Variants in MOB3B observed in about 807,000 individuals in gnomAD.
The protein encoded by MOB3B is MOB kinase activator 3B, also known as MOB kinase activator-like 2B.
In MOB3B, 7 loss-of-function variants were observed where a neutral mutation model predicts 18.7. The observed-to-expected ratio is 0.37, with a 90% CI of 0.21 to 0.70. The LOEUF is 0.70. Ranked by LOEUF, MOB3B falls within the 30% of genes least tolerant of loss-of-function variation. MOB3B has a pLI of 0.52. For missense variants in MOB3B, 253 were observed against 281.3 expected (o/e 0.90, Z 0.72); for synonymous variants, 111 against 99.9 (o/e 1.11, Z -0.66).
chr9:27,439,269 A>G (rs1822560374), intron 2 of MOB3B, among the ~76,000 whole-genome samples: 1 of 152,148 alleles, frequency 6.6e-6, no homozygotes, highest in Non-Finnish European at 1.5e-5. Context: ...CAGACATTGA[A>G]TTATATTGGT....
chr9:27,367,519 C>T (rs1187144862), intron 2 of MOB3B, among the ~76,000 whole-genome samples: 1 of 152,180 alleles, frequency 6.6e-6, no homozygotes, highest in African/African-American at 2.4e-5. Flanking sequence ...GTGCTGCTTG[C>T]CCTTAAGCAA....
At position 27,472,243 on chromosome 9, in the gene MOB3B, T is replaced by G. The variant is rs1280553298; in HGVS notation, c.-198-16495A>C. On this transcript the variant is annotated intron_variant, in intron 1 of 3. Coordinates refer to ENST00000262244, the MANE Select transcript of MOB3B (RefSeq NM_024761.5). ...ACACTATTTTTTTTTTAATGACAAG[T>G]AAGGGTGACACCACTTTTCTTAAAA... 2.0e-5 allele frequency among the ~76,000 whole-genome samples: 3 copies of G among 150,944 alleles called. No individual in the cohort carries two copies. The East Asian group carries it at 5.8e-4, about 29-fold the overall frequency.
At chr9:27,476,398 G>C (rs1194051450) in intron 1 of MOB3B, among the ~76,000 whole-genome samples, 1 of 151,954 alleles carries the variant, frequency 6.6e-6, no homozygotes, top group Non-Finnish European at 1.5e-5. Flanking sequence ...TTGGCTTGTA[G>C]ACTCAGCACC....
At chr9:27,460,976 C>G (rs945360372) in intron 1 of MOB3B, among the ~76,000 whole-genome samples, 6 of 152,208 alleles carry the variant, frequency 3.9e-5, no homozygotes, top group African/African-American at 1.4e-4. Context: ...TGCCAACTCA[C>G]TGAGGCCGCT....
chr9:27,489,986 A>G (rs930753786), intron 1 of MOB3B, among the ~76,000 whole-genome samples: 13 of 152,154 alleles, frequency 8.5e-5, no homozygotes, highest in African/African-American at 3.1e-4. Context: ...AGCTACTTAA[A>G]GTTCAAAAGA....
At chr9:27,474,108 G>C (rs1444629205) in intron 1 of MOB3B, among the ~76,000 whole-genome samples, 1 of 152,140 alleles carries the variant, frequency 6.6e-6, no homozygotes, top group Non-Finnish European at 1.5e-5. Context: ...TCTTGTTACA[G>C]GTAGCCTGTA....
rs923816530 is a variant in MOB3B at position 27,337,026 on chromosome 9, G to A, written c.622-6410C>T. Among the ~76,000 whole-genome samples, 4 of 152,274 alleles carry A rather than the reference G, an allele frequency of 2.6e-5. No homozygotes were observed. In the South Asian group the frequency reaches 6.2e-4, roughly 24 times the overall value. ...CAGTGCAGCCTCAGTCCCAGCTACC[G>A]GCCCCGTGCCCGAGCTTGGCCCTGT... On this transcript the variant is annotated intron_variant, in intron 3 of 3. Transcript: ENST00000262244.
In MOB3B at chr9:27,345,028, C is replaced by T. The variant is rs188215881; in HGVS notation, c.621+14006G>A. ...ACAGCCATGCTCTGTCTCTTGGTGC[C>T]CACAGCAATACAGTCACTGTAGGCC... On this transcript the variant is annotated intron_variant, in intron 3 of 3. Transcript: ENST00000262244. 3.4e-3 allele frequency among the ~76,000 whole-genome samples: 525 copies of T among 152,340 alleles called. 4 individuals carry two copies. Among genetic ancestry groups the T allele is most frequent in the African/African-American group, 0.012 (502 of 41,570 alleles).
chr9:27,400,359 A>G (rs1442946455), intron 2 of MOB3B, among the ~76,000 whole-genome samples: 1 of 151,024 alleles, frequency 6.6e-6, no homozygotes, highest in African/African-American at 2.4e-5. Flanking sequence ...CATTGCGGTG[A>G]CCTCCTCTCA....
intron 3 of MOB3B, among the ~76,000 whole-genome samples, chr9:27,345,746 C>T (rs747010370): frequency 3.3e-5 from 5 of 152,218 alleles, no homozygotes; most frequent in Non-Finnish European, 7.3e-5. Flanking sequence ...TCACCTGAGT[C>T]GCTCAACTAT....
chr9:27,484,599 A>G (rs1819707696), intron 1 of MOB3B, among the ~76,000 whole-genome samples: 1 of 152,228 alleles, frequency 6.6e-6, no homozygotes, highest in Non-Finnish European at 1.5e-5. Context: ...ACCTATCCAC[A>G]TTAAAGGGCC....
At chr9:27,520,152 C>A (rs75689394) in intron 1 of MOB3B, among the ~76,000 whole-genome samples, 4,963 of 152,242 alleles carry the variant, frequency 0.033, 108 homozygotes, top group Middle Eastern at 0.065. Flanking sequence ...TCAGTAGATG[C>A]CAAATGCCCC....
rs1391707672 is a variant in MOB3B at position 27,518,711 on chromosome 9, A to C, written c.-199+10844T>G. Among the ~76,000 whole-genome samples, 4 of 152,330 alleles carry C rather than the reference A, an allele frequency of 2.6e-5. No individual in the cohort carries two copies. The East Asian group carries it at 7.7e-4, about 29-fold the overall frequency. ...CCAAAGAGCCCCTCTAAGGTTGATA[A>C]AATTAAATGACAGCTACAGGGAGCA... is the stretch of plus-strand genomic sequence containing the variant. On this transcript the variant is annotated intron_variant, in intron 1 of 3. Coordinates refer to ENST00000262244, the MANE Select transcript of MOB3B (RefSeq NM_024761.5).
At chr9:27,341,965 A>G (rs1820948760) in intron 3 of MOB3B, among the ~76,000 whole-genome samples, 1 of 152,148 alleles carries the variant, frequency 6.6e-6, no homozygotes, top group South Asian at 2.1e-4. Flanking sequence ...TGGTTTTTAC[A>G]TTTTTTGATA....
intron 1 of MOB3B, among the ~76,000 whole-genome samples, chr9:27,461,328 C>T (rs1819284017): frequency 6.6e-6 from 1 of 152,188 alleles, no homozygotes; most frequent in South Asian, 2.1e-4. Flanking sequence ...AGCCCTTATG[C>T]ACTGTTTACC....
At chr9:27,343,478 T>TAAAAAAAAAAAAAAAAAAAAAAAAA (rs779124158) in intron 3 of MOB3B, among the ~76,000 whole-genome samples, 1 of 84,316 alleles carries the variant, frequency 1.2e-5, no homozygotes, top group African/African-American at 5.0e-5. Flanking sequence ...CAATAAATAC[T>TAAAAAAAAAAAAAAAAAAAAAAAAA]AAAAAAAAAA....
At chr9:27,462,152 G>A (rs1819299643) in intron 1 of MOB3B, among the ~76,000 whole-genome samples, 1 of 152,080 alleles carries the variant, frequency 6.6e-6, no homozygotes, top group South Asian at 2.1e-4. Flanking sequence ...CAGGATAAAA[G>A]CTCAGATGAC....
At chr9:27,406,426 C>T (rs959049811) in intron 2 of MOB3B, among the ~76,000 whole-genome samples, 3 of 152,090 alleles carry the variant, frequency 2.0e-5, no homozygotes, top group Non-Finnish European at 4.4e-5. Flanking sequence ...CTGGAATAGC[C>T]GAAGCAATCC....
chr9:27,347,465 A>G (rs781211728), intron 3 of MOB3B, among the ~76,000 whole-genome samples: 1 of 152,238 alleles, frequency 6.6e-6, no homozygotes, highest in Non-Finnish European at 1.5e-5. Flanking sequence ...TGGGGTTTGC[A>G]TAATGGGTGC....
Sources: gnomAD v4.1 joint callset for allele counts (sites outside exome capture counted in the v4.1 genomes callset) on GRCh38, gnomAD v4.1.1 for gene constraint, MANE v1.5 for transcripts, NCBI Gene and HGNC (gene_info 2026-07-23, HGNC 2026-07-21) for gene names.